The following BAIAP2 variants were observed in gnomAD, a reference collection of about 807,000 sequenced individuals.
The protein encoded by BAIAP2 is BAR/IMD domain containing adaptor protein 2, also known as BAR/IMD domain-containing adapter protein 2.
A neutral mutation model predicts 63.0 loss-of-function variants in BAIAP2; 18 were observed. That is an observed-to-expected ratio of 0.29 (90% confidence interval 0.20 to 0.42). BAIAP2 has a LOEUF of 0.42. BAIAP2 is among the 10% of genes least tolerant of loss of function. The pLI is 1.00. For missense variants in BAIAP2, 610 were observed against 734.3 expected (o/e 0.83, Z 1.96); for synonymous variants, 386 against 307.6 (o/e 1.25, Z -2.67).
Position 81,116,344 on chromosome 17 carries a change from C to T in BAIAP2, c.*505C>T. On this transcript the variant is annotated 3_prime_UTR_variant, in exon 14 of 14. Coordinates refer to ENST00000428708, the MANE Select transcript of BAIAP2 (RefSeq NM_001144888.2). ...ACGTAATTCCCTGCAGGTCCGGCAG[C>T]TACACCTGGAGTGTGGGGCCTGGTC... 1 of 1,610,626 alleles carries T rather than the reference C, an allele frequency of 6.2e-7. No homozygotes were observed. Among genetic ancestry groups the T allele is most frequent in the Non-Finnish European group, 8.5e-7 (1 of 1,178,864 alleles).
chr17:81,092,853 C>G (rs1204647981), intron 6 of BAIAP2, among the ~76,000 whole-genome samples: 3 of 151,898 alleles, frequency 2.0e-5, no homozygotes, highest in Non-Finnish European at 4.4e-5. Flanking sequence ...GGGACACCTT[C>G]TCTGTGGGTT....
At chr17:81,103,126 C>T (rs1056227481) in intron 7 of BAIAP2, among the ~76,000 whole-genome samples, 3 of 152,224 alleles carry the variant, frequency 2.0e-5, no homozygotes, top group African/African-American at 7.2e-5. Flanking sequence ...GGCAGCACCA[C>T]CCCCTCCCCC....
chr17:81,087,689 TCCCTC>T (rs2055939746), intron 6 of BAIAP2: 1 of 151,906 alleles, frequency 6.6e-6, no homozygotes, highest in Non-Finnish European at 1.5e-5. Context: ...GAGCTGGGGG[TCCCTC>T]GGGTGCCCGC....
At chr17:81,087,944 G>C (rs1424261428) in intron 6 of BAIAP2, 3 of 152,134 alleles carry the variant, frequency 2.0e-5, no homozygotes, top group Non-Finnish European at 4.4e-5. Context: ...GGTGGCCTTA[G>C]TATTCCTGCC....
chr17:81,076,346 C>T (rs551090548), intron 3 of BAIAP2: 1 of 152,294 alleles, frequency 6.6e-6, no homozygotes, highest in African/African-American at 2.4e-5. Flanking sequence ...CAACGGAGGC[C>T]CCGTCTAGGT....
At chr17:81,063,306 T>C (rs2050908429) in intron 3 of BAIAP2, among the ~76,000 whole-genome samples, 1 of 152,220 alleles carries the variant, frequency 6.6e-6, no homozygotes, top group Non-Finnish European at 1.5e-5. Context: ...TTGTGCAACC[T>C]GCCTTTCTCA....
At chr17:81,100,994 G>GGGCC (rs1431775616) in intron 7 of BAIAP2, among the ~76,000 whole-genome samples, 1 of 152,128 alleles carries the variant, frequency 6.6e-6, no homozygotes, top group Non-Finnish European at 1.5e-5. Context: ...CATCTGTTGA[G>GGGCC]GGCCCCTCCT....
At chr17:81,108,375 G>T (rs2059425296) in intron 12 of BAIAP2, 100 bp from the exon 13 acceptor site, 1 of 1,362,596 alleles carries the variant, frequency 7.3e-7, no homozygotes, top group South Asian at 1.2e-5. Flanking sequence ...TTTGAACCTT[G>T]TCCAGGCAGG....
intron 3 of BAIAP2, among the ~76,000 whole-genome samples, chr17:81,074,333 C>T (rs924283980): frequency 2.0e-5 from 3 of 151,174 alleles, no homozygotes; most frequent in African/African-American, 7.3e-5. Context: ...TGCACGGATA[C>T]GTGTGAGTGT....
rs117792151 is a variant in BAIAP2, at chr17:81,100,821, C to T, written c.642+741C>T. Among the ~76,000 whole-genome samples, 31 of 152,246 alleles carry T rather than the reference C, an allele frequency of 2.0e-4. No individual in the cohort carries two copies. The East Asian group carries it at 6.0e-3, about 30-fold the overall frequency. ...CTGCTCCAGAGTGGCCTCCCTGGGA[C>T]TCAAACCTGGTCACAGGGTCCTCCC... On this transcript the variant is annotated intron_variant, in intron 7 of 13. Coordinates refer to ENST00000428708, the MANE Select transcript of BAIAP2 (RefSeq NM_001144888.2).
chr17:81,084,787 G>A (rs890142261), intron 3 of BAIAP2, 45 bp from the exon 4 acceptor site: 23 of 1,594,878 alleles, frequency 1.4e-5, no homozygotes, highest in African/African-American at 4.0e-5. Flanking sequence ...TGGTGACTGC[G>A]AGCACCTGAC....
Position 81,077,698 on chromosome 17 carries a change from G to C in BAIAP2, c.218-7134G>C, listed in dbSNP as rs185849470. Among the ~76,000 whole-genome samples the C allele has an allele frequency of 5.9e-3, 900 of 152,388 alleles. 4 individuals carry two copies. The highest frequency in any genetic ancestry group is 9.8e-3 in the Non-Finnish European group (669 of 68,040). On this transcript the variant is annotated intron_variant, in intron 3 of 13. Coordinates refer to ENST00000428708, the MANE Select transcript of BAIAP2 (RefSeq NM_001144888.2). ...CTGAGGCTGGTGGTGCTGAGTATGCGGGTGGCTGTGGGAGCGGGTGCCGTC... is the reference window on the plus strand; with the variant it reads ...CTGAGGCTGGTGGTGCTGAGTATGCCGGTGGCTGTGGGAGCGGGTGCCGTC...
chr17:81,051,566 T>G (rs1386483096), intron 1 of BAIAP2, among the ~76,000 whole-genome samples: 2 of 152,114 alleles, frequency 1.3e-5, no homozygotes, highest in African/African-American at 4.8e-5. Context: ...AGCCCGGCTT[T>G]TTGTATTTTT....
intron 1 of BAIAP2, among the ~76,000 whole-genome samples, chr17:81,037,888 TC>T (rs1398406724): frequency 3.3e-5 from 5 of 152,286 alleles, no homozygotes; most frequent in Admixed American, 3.3e-4. Context: ...GTTTTGATTT[TC>T]TTCCCCGTAA....
chr17:81,115,494 T>TGCCCCACCCCGCCCTGCCCTGCCCA (rs1555686477), intron 13 of BAIAP2, among the ~76,000 whole-genome samples: 19 of 152,040 alleles, frequency 1.2e-4, no homozygotes, highest in Admixed American at 6.5e-4. Flanking sequence ...CGCCCTGCCC[T>TGCCCCACCCCGCCCTGCCCTGCCCA]GCCCAGCCCA....
chr17:81,075,786 C>T (rs1357510684), intron 3 of BAIAP2, among the ~76,000 whole-genome samples: 1 of 152,236 alleles, frequency 6.6e-6, no homozygotes, highest in African/African-American at 2.4e-5. Flanking sequence ...CTGCTCCTCC[C>T]CTCCGTGGGC....
chr17:81,109,156 C>G, intron 13 of BAIAP2: 1 of 1,436,368 alleles, frequency 7.0e-7, no homozygotes, highest in Non-Finnish European at 9.1e-7. Flanking sequence ...ACTCTGTGAT[C>G]CCCCAGGGTC....
chr17:81,066,172 T>C (rs1252835308), intron 3 of BAIAP2, among the ~76,000 whole-genome samples: 1 of 152,254 alleles, frequency 6.6e-6, no homozygotes, highest in Non-Finnish European at 1.5e-5. Context: ...GAGGCCGCTG[T>C]GTACCCGCTG....
At chr17:81,113,858 T>A (rs529910812) in intron 13 of BAIAP2, among the ~76,000 whole-genome samples, 1 of 152,114 alleles carries the variant, frequency 6.6e-6, no homozygotes, top group South Asian at 2.1e-4. Context: ...GACTTTCTGA[T>A]GAGAATCGGC....
Sources: gnomAD v4.1 joint callset for allele counts (sites outside exome capture counted in the v4.1 genomes callset) on GRCh38, gnomAD v4.1.1 for gene constraint, MANE v1.5 for transcripts, NCBI Gene and HGNC (gene_info 2026-07-23, HGNC 2026-07-21) for gene names.